The following RAB11FIP3 variants were observed in gnomAD, a reference collection of about 807,000 sequenced individuals.
The protein encoded by RAB11FIP3 is RAB11 family interacting protein 3, also known as rab11 family-interacting protein 3.
RAB11FIP3 carries 17 observed loss-of-function variants against 77.8 expected under a neutral mutation model. The observed-to-expected ratio is 0.22, with a 90% CI of 0.15 to 0.33. The LOEUF is 0.33. Among genes scored for constraint, RAB11FIP3 ranks in the 10% least tolerant of loss-of-function variants. The pLI is 1.00. For synonymous variants in RAB11FIP3, 437 were observed against 448.2 expected (o/e 0.98, Z 0.31); for missense variants, 1,005 against 1,011.2 (o/e 0.99, Z 0.08).
intron 5 of RAB11FIP3, 79 bp downstream of exon 5, chr16:489,079 G>C: frequency 7.0e-7 from 1 of 1,437,584 alleles, no homozygotes. Context: ...TTTTTGGTTC[G>C]TGCATTGGTG....
chr16:479,963 TCA>T (rs1039183373), intron 3 of RAB11FIP3, among the ~76,000 whole-genome samples: 4 of 151,794 alleles, frequency 2.6e-5, no homozygotes, highest in African/African-American at 9.7e-5. Flanking sequence ...TTTTCTGCTC[TCA>T]GACATGTACC....
intron 1 of RAB11FIP3, among the ~76,000 whole-genome samples, chr16:448,923 AT>A (rs1567362308): frequency 6.6e-6 from 1 of 152,108 alleles, no homozygotes; most frequent in Non-Finnish European, 1.5e-5. Context: ...CTAAAAAAAA[AT>A]TGAATAACAT....
chr16:431,705 C>T (rs1346957635), intron 1 of RAB11FIP3, among the ~76,000 whole-genome samples: 1 of 151,900 alleles, frequency 6.6e-6, no homozygotes, highest in Non-Finnish European at 1.5e-5. Flanking sequence ...CATAGACACA[C>T]AGGTGACTGT....
intron 9 of RAB11FIP3, among the ~76,000 whole-genome samples, chr16:512,947 G>A (rs1019504004): frequency 1.3e-5 from 2 of 151,048 alleles, no homozygotes; most frequent in East Asian, 2.0e-4. Context: ...CTCCCAAAGC[G>A]CTGGGATTAC....
rs2032742333 is a variant in RAB11FIP3, at chr16:522,391, A to G, written c.*1552A>G. On this transcript the variant is annotated 3_prime_UTR_variant, in exon 14 of 14. Coordinates refer to ENST00000262305, the MANE Select transcript of RAB11FIP3 (RefSeq NM_014700.4). The stretch of plus-strand genomic sequence containing the variant: ...TGGACTCCCAGGAGACAGTGTGGGA[A>G]ACGCTCCTGCTTTAATTCCCCGAGA... 1.3e-5 allele frequency: 2 copies of G among 151,854 alleles called. No individual in the cohort carries two copies. The highest frequency in any genetic ancestry group is 2.9e-5 in the Non-Finnish European group (2 of 67,948). 9.4% of individuals were successfully genotyped at this position (151,854 alleles called of 1,614,324 possible). A position where few individuals can be genotyped will look rare whatever the true frequency, so the allele number is the denominator to read the frequency against.
chr16:492,361 CT>C (rs1204088817), intron 5 of RAB11FIP3, among the ~76,000 whole-genome samples: 5 of 139,256 alleles, frequency 3.6e-5, no homozygotes, highest in Non-Finnish European at 1.5e-5. Flanking sequence ...TGAAGAGGGT[CT>C]TCCCGGGAGA....
rs762547773 is a variant in RAB11FIP3, at chr16:471,318, G to T, written c.832G>T (p.Gly278Cys). 4 of 1,613,950 alleles carry T rather than the reference G, an allele frequency of 2.5e-6. No individual in the cohort carries two copies. In the Admixed American group the frequency reaches 6.7e-5, roughly 27 times the overall value. Reference protein sequence around the residue: ...NGDPDGQCYGGVASAQDEEPL... With the variant: ...NGDPDGQCYGCVASAQDEEPL... ...AGATCCTGATGGCCAGTGCTACGGT[G>T]GTGTCGCTTCTGCCCAAGATGAGGA... Residue 278 changes from glycine (G) to cysteine (C), a missense_variant, in exon 3 of 14, where the codon GGT becomes TGT. Transcript: ENST00000262305. This position sits in a 1 kb window ranked among gnomAD's most constrained non-coding sequence, Gnocchi z 4.4.
chr16:507,592 G>A lies in RAB11FIP3; in HGVS notation c.1499+1965G>A, dbSNP rs2031935355. Among the ~76,000 whole-genome samples, 1 of 152,190 alleles carries A rather than the reference G, an allele frequency of 6.6e-6. No individual in the cohort carries two copies. Among genetic ancestry groups the A allele is most frequent in the African/African-American group, 2.4e-5 (1 of 41,436 alleles). On this transcript the variant is annotated intron_variant, in intron 8 of 13. Transcript: ENST00000262305. This position sits in a 1 kb window ranked among gnomAD's most constrained non-coding sequence, Gnocchi z 4.6. The stretch of plus-strand genomic sequence containing the variant: ...ACTGTGGAGGTTTCATTTGAGTCTG[G>A]AGTATGTTCATCTGTTTTCCGTGTG...
intron 3 of RAB11FIP3, among the ~76,000 whole-genome samples, chr16:475,923 C>A (rs2055898584): frequency 6.6e-6 from 1 of 152,006 alleles, no homozygotes; most frequent in Non-Finnish European, 1.5e-5. Context: ...GTGGTGCGAT[C>A]TTGGCTCACT....
intron 6 of RAB11FIP3, among the ~76,000 whole-genome samples, chr16:497,833 C>T (rs540980719): frequency 1.7e-4 from 26 of 151,704 alleles, no homozygotes; most frequent in African/African-American, 3.4e-4. Context: ...AGATTTTTGA[C>T]GGCATTGCTT....
chr16:474,655 C>T (rs933983087), intron 3 of RAB11FIP3, among the ~76,000 whole-genome samples: 1 of 152,102 alleles, frequency 6.6e-6, no homozygotes, highest in Admixed American at 6.6e-5. Context: ...CCACTACTGG[C>T]GATGTCTGGA....
rs769495387 is a variant in RAB11FIP3, at chr16:455,049, C to CAAA, written c.715-6346_715-6344dup. On this transcript the variant is annotated intron_variant, in intron 1 of 13. Coordinates refer to ENST00000262305, the MANE Select transcript of RAB11FIP3 (RefSeq NM_014700.4). ...TGGGTGACAGAGCGAAACTCCGTCT[C>CAAA]AAAAAAAAAAACAAAAAAACTAGGC... Among the ~76,000 whole-genome samples the CAAA allele has an allele frequency of 8.0e-4, 54 of 67,496 alleles. 1 individual carries two copies. Among genetic ancestry groups the CAAA allele is most frequent in the South Asian group, 4.2e-3 (10 of 2,404 alleles). The allele number at this position is 67,496 out of a possible 152,430, so 44.3% of individuals were successfully genotyped here. A position where few individuals can be genotyped will look rare whatever the true frequency, so the allele number is the denominator to read the frequency against.
intron 1 of RAB11FIP3, among the ~76,000 whole-genome samples, chr16:433,804 C>T (rs2055081744): frequency 6.7e-6 from 1 of 149,132 alleles, no homozygotes. Context: ...TGCAGTGAGC[C>T]GAGATCGTGC....
At chr16:432,967 A>G (rs532719709) in intron 1 of RAB11FIP3, among the ~76,000 whole-genome samples, 3 of 122,004 alleles carry the variant, frequency 2.5e-5, no homozygotes, top group South Asian at 2.8e-4. Context: ...TACATGTGGT[A>G]TTTTGTTACA....
At chr16:455,632 T>G (rs1172996206) in intron 1 of RAB11FIP3, among the ~76,000 whole-genome samples, 3 of 152,168 alleles carry the variant, frequency 2.0e-5, no homozygotes, top group Non-Finnish European at 4.4e-5. Context: ...GGTCTCACTC[T>G]GTCGCCCACG....
In RAB11FIP3 at chr16:461,255, G is replaced by A. The variant is rs2055600449; in HGVS notation, c.715-149G>A. On this transcript the variant is annotated intron_variant, in intron 1 of 13. Coordinates refer to ENST00000262305, the MANE Select transcript of RAB11FIP3 (RefSeq NM_014700.4). This position sits in a 1 kb window ranked among gnomAD's most constrained non-coding sequence, Gnocchi z 4.5. ...ATGCTCCTGCTGATCTGACAGGAGG[G>A]GAGCTCAGGCGGTAATGCTCCCTCA... The A allele has an allele frequency of 5.1e-6, 3 of 582,826 alleles. No homozygotes were observed. Among genetic ancestry groups the A allele is most frequent in the Non-Finnish European group, 9.2e-6 (3 of 327,808 alleles). 36.1% of individuals were successfully genotyped at this position (582,826 alleles called of 1,614,324 possible).
In RAB11FIP3 at chr16:520,987, C is replaced by T; in HGVS notation, c.*148C>T. On this transcript the variant is annotated 3_prime_UTR_variant, in exon 14 of 14. Coordinates refer to ENST00000262305, the MANE Select transcript of RAB11FIP3 (RefSeq NM_014700.4). ...CCCTCGTGCAGCTGAGCTGGGGCCG[C>T]CAAAGACCGGGGCTGCCAAAGGGGC... is the stretch of plus-strand genomic sequence containing the variant. 1 of 684,866 alleles carries T rather than the reference C, an allele frequency of 1.5e-6. No homozygotes were observed. Among genetic ancestry groups the T allele is most frequent in the South Asian group, 1.8e-5 (1 of 56,518 alleles). 42.4% of individuals were successfully genotyped at this position (684,866 alleles called of 1,614,324 possible).
intron 11 of RAB11FIP3, 47 bp from the exon 12 acceptor site, chr16:520,074 GC>G: frequency 6.5e-7 from 1 of 1,538,898 alleles, no homozygotes. Context: ...GCTGACGGTG[GC>G]CCCTGGGAGC....
chr16:505,156 T>C lies in RAB11FIP3; in HGVS notation c.1396-368T>C, dbSNP rs780407580. On this transcript the variant is annotated intron_variant, in intron 7 of 13. Coordinates refer to ENST00000262305, the MANE Select transcript of RAB11FIP3 (RefSeq NM_014700.4). The surrounding 1 kb of genome is among the most constrained non-coding windows in gnomAD (Gnocchi z 4.0). ...GACATGGATCTGTCTGTCCCTTGCA[T>C]CCATGGGCACCTGGGCTGCCTCTGT... 3.3e-5 allele frequency among the ~76,000 whole-genome samples: 5 copies of C among 151,656 alleles called. No homozygotes were observed. The highest frequency in any genetic ancestry group is 5.9e-5 in the Non-Finnish European group (4 of 67,944).
Sources: allele counts gnomAD v4.1 joint callset (sites outside exome capture counted in the v4.1 genomes callset), GRCh38; gene constraint gnomAD v4.1.1; non-coding constraint Gnocchi (gnomAD v3.1); transcripts MANE v1.5; gene names NCBI Gene and HGNC (gene_info 2026-07-23, HGNC 2026-07-21).